The following SV2C variants were observed in gnomAD, a reference collection of about 807,000 sequenced individuals.
The protein encoded by SV2C is solute carrier family 22 member B3.
A neutral mutation model predicts 79.7 loss-of-function variants in SV2C; 49 were observed. The observed-to-expected ratio is 0.61, with a 90% CI of 0.49 to 0.78. The LOEUF is 0.78. Among genes scored for constraint, SV2C ranks in the 30% least tolerant of loss-of-function variants. The pLI, the probability that SV2C is intolerant of heterozygous loss-of-function variation, is 0.00. For missense variants in SV2C, 833 were observed against 912.9 expected, an observed-to-expected ratio of 0.91 and a Z score of 1.13; for synonymous variants, 334 against 333.2, an observed-to-expected ratio of 1.00 and a Z score of -0.03.
the SV2C span, among the ~76,000 whole-genome samples, chr5:75,986,663 A>G: frequency 6.6e-6 from 1 of 151,984 alleles, no homozygotes; most frequent in East Asian, 1.9e-4. Context: ...TAGTTTTAGG[A>G]CAGTCTTCGA....
chr5:75,920,835 G>T, the SV2C span: 1 of 763,666 alleles, frequency 1.3e-6, no homozygotes, highest in Middle Eastern at 3.7e-4. Flanking sequence ...GCCCTGAATG[G>T]TCAGCTTGTC....
chr5:76,175,060 G>C (rs1479461354), intron 2 of SV2C, among the ~76,000 whole-genome samples: 1 of 152,196 alleles, frequency 6.6e-6, no homozygotes, highest in Non-Finnish European at 1.5e-5. Flanking sequence ...GGCAGAAGGG[G>C]AAGGGAAGGA....
intron 4 of SV2C, among the ~76,000 whole-genome samples, chr5:76,251,739 T>C (rs1372481284): frequency 2.0e-5 from 3 of 152,192 alleles, no homozygotes; most frequent in Non-Finnish European, 4.4e-5. Context: ...GAGCTATCCA[T>C]GCACCTATTC....
At chr5:76,046,078 G>A in the SV2C span, among the ~76,000 whole-genome samples, 1 of 152,136 alleles carries the variant, frequency 6.6e-6, no homozygotes, top group Admixed American at 6.5e-5. Context: ...CTTAATGTAT[G>A]AGAGTTATCT....
At chr5:76,253,990 T>TA (rs1395370131) in intron 4 of SV2C, among the ~76,000 whole-genome samples, 1 of 152,074 alleles carries the variant, frequency 6.6e-6, no homozygotes, top group African/African-American at 2.4e-5. Flanking sequence ...GGTAGAAATG[T>TA]AATGCATTGT....
At chr5:76,119,106 G>A (rs1202621066) in intron 1 of SV2C, among the ~76,000 whole-genome samples, 1 of 152,192 alleles carries the variant, frequency 6.6e-6, no homozygotes, top group East Asian at 1.9e-4. Flanking sequence ...GATATAAACA[G>A]CCTACATGCC....
At chr5:75,885,832 A>C in the SV2C span, among the ~76,000 whole-genome samples, 1 of 152,068 alleles carries the variant, frequency 6.6e-6, no homozygotes, top group Non-Finnish European at 1.5e-5. Flanking sequence ...TAATAAGCAG[A>C]CTCCAAGAAG....
chr5:76,063,223 T>A, the SV2C span, among the ~76,000 whole-genome samples: 1 of 152,144 alleles, frequency 6.6e-6, no homozygotes, highest in Non-Finnish European at 1.5e-5. Context: ...GTTTGTCTTG[T>A]TCTGTTGTCC....
chr5:76,059,298 G>C, the SV2C span, among the ~76,000 whole-genome samples: 1 of 151,954 alleles, frequency 6.6e-6, no homozygotes, highest in Non-Finnish European at 1.5e-5. Flanking sequence ...CTTTCACAAA[G>C]GATTTCTCTG....
At chr5:75,922,748 C>G in the SV2C span, among the ~76,000 whole-genome samples, 1 of 152,212 alleles carries the variant, frequency 6.6e-6, no homozygotes, top group African/African-American at 2.4e-5. Context: ...TCAGCTCTGT[C>G]TTCTCTTCCA....
intron 12 of SV2C, among the ~76,000 whole-genome samples, chr5:76,309,414 C>T (rs965780600): frequency 6.6e-6 from 1 of 151,848 alleles, no homozygotes; most frequent in Non-Finnish European, 1.5e-5. Flanking sequence ...TCCTGGCTAA[C>T]AAGGTGAAAC....
intron 4 of SV2C, among the ~76,000 whole-genome samples, chr5:76,280,688 C>CG (rs1008276236): frequency 2.4e-4 from 36 of 152,228 alleles, no homozygotes; most frequent in African/African-American, 8.7e-4. Flanking sequence ...CTGCTTTCCC[C>CG]GGGGGGTGCC....
chr5:76,102,300 C>T (rs1747768942), intron 1 of SV2C, among the ~76,000 whole-genome samples: 1 of 152,126 alleles, frequency 6.6e-6, no homozygotes, highest in Non-Finnish European at 1.5e-5. Flanking sequence ...CCTGGAGACT[C>T]TCCACCTCCC....
intron 12 of SV2C, among the ~76,000 whole-genome samples, chr5:76,312,567 T>C (rs1004129239): frequency 6.6e-6 from 1 of 152,180 alleles, no homozygotes. Flanking sequence ...GGGGCCATCT[T>C]TACCCCTCCT....
At chr5:76,151,319 G>A (rs867213932) in intron 2 of SV2C, among the ~76,000 whole-genome samples, 1 of 152,176 alleles carries the variant, frequency 6.6e-6, no homozygotes, top group South Asian at 2.1e-4. Flanking sequence ...GGAAGCAATT[G>A]GAAACGTGGG....
At chr5:76,300,138 C>A (rs936154549) in intron 10 of SV2C, among the ~76,000 whole-genome samples, 2 of 144,306 alleles carry the variant, frequency 1.4e-5, no homozygotes, top group African/African-American at 5.3e-5. Flanking sequence ...TCACAGCTCA[C>A]TGCGGCCTCA....
intron 12 of SV2C, among the ~76,000 whole-genome samples, chr5:76,311,685 T>C (rs1396851200): frequency 6.6e-6 from 1 of 152,182 alleles, no homozygotes; most frequent in African/African-American, 2.4e-5. Context: ...ATTCTTCTAA[T>C]AGACATGAAA....
chr5:76,299,912 A>G (rs550762726), intron 10 of SV2C, among the ~76,000 whole-genome samples: 3 of 152,294 alleles, frequency 2.0e-5, no homozygotes, highest in Admixed American at 2.0e-4. Context: ...AAGATTAGCA[A>G]TGAATGCTGG....
Position 76,285,108 on chromosome 5 carries a change from C to T in SV2C, c.914-54C>T. 3 of 1,604,168 alleles carry T rather than the reference C, an allele frequency of 1.9e-6. No individual in the cohort carries two copies. In the East Asian group the frequency reaches 6.7e-5, roughly 36 times the overall value. On this transcript the variant is annotated intron_variant, in intron 4 of 12. Coordinates refer to ENST00000502798, the MANE Select transcript of SV2C (RefSeq NM_014979.4). ...GTTCGGGCATCCCGGGTGATGTTCCCAGGAGGCTGTCTGGGAGGAGCTCTC... is the reference window on the plus strand; with the variant it reads ...GTTCGGGCATCCCGGGTGATGTTCCTAGGAGGCTGTCTGGGAGGAGCTCTC...
Sources: gnomAD v4.1 joint callset for allele counts (sites outside exome capture counted in the v4.1 genomes callset) on GRCh38, gnomAD v4.1.1 for gene constraint, MANE v1.5 for transcripts, NCBI Gene and HGNC (gene_info 2026-07-23, HGNC 2026-07-21) for gene names.